Variants in NCALD observed in about 807,000 individuals in gnomAD.
The protein encoded by NCALD is neurocalcin delta.
NCALD carries 10 observed loss-of-function variants against 18.6 expected under a neutral mutation model. The ratio of observed to expected loss-of-function variants is 0.54; its 90% CI spans 0.33 to 0.91. NCALD has a LOEUF of 0.91. Among genes scored for constraint, NCALD ranks in the 40% least tolerant of loss-of-function variants. The pLI is 0.03. For missense variants in NCALD, 184 were observed against 247.6 expected (o/e 0.74, Z 1.72); for synonymous variants, 88 against 87.4 (o/e 1.01, Z -0.04).
chr8:101,835,398 C>T (rs1004752573), intron 4 of NCALD, among the ~76,000 whole-genome samples: 1 of 152,244 alleles, frequency 6.6e-6, no homozygotes, highest in Admixed American at 6.5e-5. Flanking sequence ...ACATTTTAGA[C>T]TGTTACAACA....
intron 4 of NCALD, among the ~76,000 whole-genome samples, chr8:101,838,043 TAGAGA>T (rs1212024583): frequency 2.6e-5 from 4 of 152,162 alleles, no homozygotes; most frequent in Admixed American, 6.5e-5. Context: ...AATGACAGGG[TAGAGA>T]AAAGACAGAC....
intron 2 of NCALD, among the ~76,000 whole-genome samples, chr8:101,982,275 T>C (rs1328940632): frequency 6.6e-6 from 1 of 152,182 alleles, no homozygotes; most frequent in Non-Finnish European, 1.5e-5. Flanking sequence ...GCCAAAGAAA[T>C]TGAAACTAGC....
At chr8:101,708,072 G>A (rs969870376) in intron 2 of NCALD, among the ~76,000 whole-genome samples, 2 of 152,274 alleles carry the variant, frequency 1.3e-5, no homozygotes, top group South Asian at 4.1e-4. Context: ...CTTTTCGAAA[G>A]GCTCTAACTT....
intron 2 of NCALD, among the ~76,000 whole-genome samples, chr8:101,710,432 A>T (rs989307199): frequency 2.0e-5 from 3 of 152,136 alleles, no homozygotes; most frequent in Non-Finnish European, 4.4e-5. Context: ...ACTCCCCTGG[A>T]AAGGGGGCTG....
intron 2 of NCALD, among the ~76,000 whole-genome samples, chr8:102,016,987 T>C (rs1471394362): frequency 6.6e-6 from 1 of 151,992 alleles, no homozygotes; most frequent in Admixed American, 6.6e-5. Context: ...CAAGAAAAGA[T>C]AAAGGATCTT....
intron 1 of NCALD, chr8:101,788,537 A>T (rs1812322944): frequency 6.6e-6 from 1 of 152,242 alleles, no homozygotes; most frequent in African/African-American, 2.4e-5. Context: ...TTATGTAATA[A>T]TGTGTTACTA....
chr8:101,906,953 A>G (rs1817630225), intron 3 of NCALD, among the ~76,000 whole-genome samples: 1 of 152,238 alleles, frequency 6.6e-6, no homozygotes, highest in Admixed American at 6.5e-5. Context: ...TTCATGATGA[A>G]TAAAATATCA....
chr8:101,997,379 T>A (rs1205226149), intron 2 of NCALD, among the ~76,000 whole-genome samples: 2 of 152,160 alleles, frequency 1.3e-5, no homozygotes, highest in South Asian at 4.1e-4. Context: ...TGCTTTTATT[T>A]TTTTTTTCCT....
intron 3 of NCALD, among the ~76,000 whole-genome samples, chr8:101,896,351 T>C (rs1817170610): frequency 6.6e-6 from 1 of 151,944 alleles, no homozygotes; most frequent in Non-Finnish European, 1.5e-5. Flanking sequence ...TTACACCTTA[T>C]ACAAAAATCA....
chr8:102,001,249 T>C (rs1412037597), intron 2 of NCALD, among the ~76,000 whole-genome samples: 1 of 152,176 alleles, frequency 6.6e-6, no homozygotes, highest in Non-Finnish European at 1.5e-5. Context: ...CAGTAGCTGA[T>C]TCGATCAACT....
At chr8:101,726,060 G>T (rs991930353) in intron 1 of NCALD, among the ~76,000 whole-genome samples, 6 of 152,128 alleles carry the variant, frequency 3.9e-5, no homozygotes, top group African/African-American at 7.2e-5. Flanking sequence ...CAAGAACAGT[G>T]AATGAGAGGG....
At chr8:102,014,609 T>C (rs1822018187) in intron 2 of NCALD, among the ~76,000 whole-genome samples, 1 of 152,288 alleles carries the variant, frequency 6.6e-6, no homozygotes, top group South Asian at 2.1e-4. Flanking sequence ...GTAATAAGTT[T>C]TAAATAAGCA....
At position 101,943,167 on chromosome 8, in the gene NCALD, C is replaced by T. The variant is rs555092171; in HGVS notation, c.-156-27309G>A. Among the ~76,000 whole-genome samples, 28 of 152,168 alleles carry T rather than the reference C, an allele frequency of 1.8e-4. No individual in the cohort carries two copies. The South Asian group carries it at 1.9e-3, about 10-fold the overall frequency. ...TGGCACAGTAAGTACTCTGGGGTTG[C>T]CGCACTCACTGCTCTTGAAGCAGGT... is the stretch of plus-strand genomic sequence containing the variant. On this transcript the variant is annotated intron_variant, in intron 2 of 6. Transcript: ENST00000311028.
At chr8:101,784,897 A>G in intron 1 of NCALD, among the ~76,000 whole-genome samples, 1 of 152,234 alleles carries the variant, frequency 6.6e-6, no homozygotes, top group East Asian at 1.9e-4. Flanking sequence ...GGGAAAATAC[A>G]ATATATAATA....
chr8:101,989,070 A>C (rs10089091), intron 2 of NCALD, among the ~76,000 whole-genome samples: 1 of 152,064 alleles, frequency 6.6e-6, no homozygotes, highest in Admixed American at 6.6e-5. Flanking sequence ...AATAAAGATC[A>C]AAATTAAATA....
chr8:101,837,139 T>C (rs1402159409), intron 4 of NCALD, among the ~76,000 whole-genome samples: 1 of 152,080 alleles, frequency 6.6e-6, no homozygotes. Flanking sequence ...TTCACTGGTA[T>C]GAGTTTTTAA....
intron 1 of NCALD, among the ~76,000 whole-genome samples, chr8:102,101,802 C>T (rs1360171900): frequency 6.6e-6 from 1 of 152,182 alleles, no homozygotes; most frequent in East Asian, 1.9e-4. Context: ...ATCCAAATTA[C>T]ATGAAGGGCA....
At chr8:102,107,195 C>CAT (rs67447416) in intron 1 of NCALD, among the ~76,000 whole-genome samples, 4,228 of 88,466 alleles carry the variant, frequency 0.048, 123 homozygotes, top group Non-Finnish European at 0.051. Context: ...TATGTGTGTA[C>CAT]ATATATATAT....
chr8:101,789,474 CCA>C (rs1812369144), intron 1 of NCALD, among the ~76,000 whole-genome samples: 1 of 151,928 alleles, frequency 6.6e-6, no homozygotes, highest in African/African-American at 2.4e-5. Context: ...ATTGATATAC[CCA>C]CAGTTATTCA....
Sources: allele counts gnomAD v4.1 joint callset (sites outside exome capture counted in the v4.1 genomes callset), GRCh38; gene constraint gnomAD v4.1.1; transcripts MANE v1.5; gene names NCBI Gene and HGNC (gene_info 2026-07-23, HGNC 2026-07-21).